The following YPEL1 variants were observed in gnomAD, a reference collection of about 807,000 sequenced individuals.
The protein encoded by YPEL1 is protein yippee-like 1.
A neutral mutation model predicts 17.3 loss-of-function variants in YPEL1; 7 were observed. That is an observed-to-expected ratio of 0.40 (90% CI 0.23 to 0.76). YPEL1 has a LOEUF of 0.76. YPEL1 is among the 30% of genes least tolerant of loss of function. YPEL1 has a pLI of 0.35. For missense variants in YPEL1, 91 were observed against 155.5 expected, an observed-to-expected ratio of 0.59 and a Z score of 2.21; for synonymous variants, 59 against 59.6, an observed-to-expected ratio of 0.99 and a Z score of 0.05.
Position 21,703,028 on chromosome 22 carries a change from C to T in YPEL1, c.270+342G>A, listed in dbSNP as rs952588423. On this transcript the variant is annotated intron_variant, in intron 4 of 4. Coordinates refer to ENST00000339468, the MANE Select transcript of YPEL1 (RefSeq NM_013313.5). The surrounding 1 kb of genome is among the most constrained non-coding windows in gnomAD (Gnocchi z 6.1). ...GTCCCTGACAGTGGGCACAGCCTCC[C>T]GCAGCCCCCTGCAGCCTCCTCGGCC... is the stretch of plus-strand genomic sequence containing the variant. 2.0e-5 allele frequency among the ~76,000 whole-genome samples: 3 copies of T among 152,224 alleles called. No individual in the cohort carries two copies. The highest frequency in any genetic ancestry group is 2.1e-4 in the South Asian group (1 of 4,834).
At chr22:21,709,593 TG>T (rs1245404606) in intron 2 of YPEL1, among the ~76,000 whole-genome samples, 1 of 152,064 alleles carries the variant, frequency 6.6e-6, no homozygotes, top group African/African-American at 2.4e-5. Context: ...CTTGGCAACA[TG>T]GTAAAACCCT....
At chr22:21,718,562 C>T (rs926169290) in intron 1 of YPEL1, among the ~76,000 whole-genome samples, 6 of 152,078 alleles carry the variant, frequency 3.9e-5, no homozygotes, top group African/African-American at 1.4e-4. Context: ...CGGAAACAGA[C>T]CACAGGTGGA....
intron 1 of YPEL1, among the ~76,000 whole-genome samples, chr22:21,711,631 GTCTT>G (rs796940846): frequency 7.9e-5 from 12 of 151,960 alleles, no homozygotes; most frequent in African/African-American, 2.7e-4. Flanking sequence ...GGAAAGGACA[GTCTT>G]TCAACAAATG....
At chr22:21,718,110 ATGAG>A (rs1374231917) in intron 1 of YPEL1, among the ~76,000 whole-genome samples, 6 of 144,872 alleles carry the variant, frequency 4.1e-5, no homozygotes, top group African/African-American at 1.5e-4. Flanking sequence ...AGCCTAGGTA[ATGAG>A]TGAGACTCTG....
chr22:21,726,996 G>A (rs921579683), intron 1 of YPEL1, among the ~76,000 whole-genome samples: 2 of 152,198 alleles, frequency 1.3e-5, no homozygotes, highest in Admixed American at 1.3e-4. Flanking sequence ...CAGGCTTGCT[G>A]TTTCCCAAGC....
At chr22:21,714,967 T>C (rs1483778304) in intron 1 of YPEL1, among the ~76,000 whole-genome samples, 1 of 152,148 alleles carries the variant, frequency 6.6e-6, no homozygotes, top group Non-Finnish European at 1.5e-5. Flanking sequence ...AACTAAAGCA[T>C]ACATTAAGCC....
chr22:21,731,590 G>A (rs2068388097), intron 1 of YPEL1, among the ~76,000 whole-genome samples: 1 of 151,948 alleles, frequency 6.6e-6, no homozygotes, highest in African/African-American at 2.4e-5. Flanking sequence ...AAAGGTGAGG[G>A]GGAAGCGTTT....
intron 2 of YPEL1, chr22:21,710,419 G>T: frequency 1.8e-6 from 1 of 570,628 alleles, no homozygotes; most frequent in Non-Finnish European, 3.1e-6. Context: ...CTGGAAAACC[G>T]CCCACCATGC....
chr22:21,702,240 T>TA (rs2068073372), intron 4 of YPEL1, among the ~76,000 whole-genome samples: 1 of 151,930 alleles, frequency 6.6e-6, no homozygotes, highest in African/African-American at 2.4e-5. Flanking sequence ...GGTGCAGCCA[T>TA]AGAGGGGAAT....
intron 1 of YPEL1, among the ~76,000 whole-genome samples, chr22:21,721,425 C>T (rs57094476): frequency 0.022 from 3,237 of 149,272 alleles, 126 homozygotes; most frequent in African/African-American, 0.077. Context: ...GCCTTTTTTT[C>T]TTTTTTTTTT....
At position 21,700,259 on chromosome 22, in the gene YPEL1, G is replaced by C. The variant is rs907229935; in HGVS notation, c.*870C>G. ...TTTTCTCTAAAAAAGGGAATGGTGA[G>C]ACTTGCTATCTAAAGAGACCCTGTC... On this transcript the variant is annotated 3_prime_UTR_variant, in exon 5 of 5. Coordinates refer to ENST00000339468, the MANE Select transcript of YPEL1 (RefSeq NM_013313.5). The C allele has an allele frequency of 2.0e-5, 3 of 152,396 alleles. No individual in the cohort carries two copies. The highest frequency in any genetic ancestry group is 7.2e-5 in the African/African-American group (3 of 41,584). 9.4% of individuals were successfully genotyped at this position (152,396 alleles called of 1,614,324 possible).
intron 1 of YPEL1, among the ~76,000 whole-genome samples, chr22:21,711,783 A>G (rs995524275): frequency 6.6e-6 from 1 of 152,248 alleles, no homozygotes; most frequent in African/African-American, 2.4e-5. Context: ...AACACAGGGG[A>G]AAAGCTTCAT....
intron 2 of YPEL1, among the ~76,000 whole-genome samples, chr22:21,706,452 A>G (rs1333816914): frequency 6.6e-6 from 1 of 151,426 alleles, no homozygotes; most frequent in African/African-American, 2.4e-5. Flanking sequence ...AAAAAAAAAG[A>G]AAAAAAAATT....
chr22:21,718,331 G>C (rs1432369954), intron 1 of YPEL1, among the ~76,000 whole-genome samples: 1 of 151,816 alleles, frequency 6.6e-6, no homozygotes, highest in South Asian at 2.1e-4. Context: ...GGGGCGTGGT[G>C]GTGGGCACCT....
At chr22:21,733,775 A>G (rs1427638767) in intron 1 of YPEL1, among the ~76,000 whole-genome samples, 2 of 151,596 alleles carry the variant, frequency 1.3e-5, no homozygotes. Flanking sequence ...CAACAAAAAA[A>G]GAAAGAAAAA....
At chr22:21,713,400 G>A (rs1194702516) in intron 1 of YPEL1, among the ~76,000 whole-genome samples, 1 of 152,172 alleles carries the variant, frequency 6.6e-6, no homozygotes, top group Non-Finnish European at 1.5e-5. Flanking sequence ...TGATCAAAAT[G>A]TGGCGTCTGC....
chr22:21,719,755 C>T (rs527955375), intron 1 of YPEL1, among the ~76,000 whole-genome samples: 7 of 151,958 alleles, frequency 4.6e-5, no homozygotes, highest in East Asian at 3.9e-4. Context: ...CGGCCGGACG[C>T]GGTGGCTCAC....
At chr22:21,715,580 ATTTTTTATT>A (rs1435156004) in intron 1 of YPEL1, among the ~76,000 whole-genome samples, 3 of 94,764 alleles carry the variant, frequency 3.2e-5, no homozygotes, top group South Asian at 3.3e-4. Context: ...TAAAAGGTAG[ATTTTTTATT>A]TTTTTTATTT....
rs750248361 is a variant in YPEL1, at chr22:21,703,491, A to G, written c.162-13T>C. The stretch of plus-strand genomic sequence containing the variant: ...GCCCACGTTCACCCTGCGGGGACAG[A>G]GGGGCCACTGCGCTGCAGGCCCGGC... On this transcript the variant is annotated splice_polypyrimidine_tract_variant and intron_variant, in intron 3 of 4. Transcript: ENST00000339468. This position sits in a 1 kb window ranked among gnomAD's most constrained non-coding sequence, Gnocchi z 6.1. 6.2e-6 allele frequency: 10 copies of G among 1,603,812 alleles called. No homozygotes were observed. In the South Asian group the frequency reaches 8.8e-5, roughly 14 times the overall value.
Sources: allele counts gnomAD v4.1 joint callset (sites outside exome capture counted in the v4.1 genomes callset), GRCh38; gene constraint gnomAD v4.1.1; non-coding constraint Gnocchi (gnomAD v3.1); transcripts MANE v1.5; gene names NCBI Gene and HGNC (gene_info 2026-07-23, HGNC 2026-07-21).